The following ALG5 variants were observed in gnomAD, a reference collection of about 807,000 sequenced individuals.
ALG5 encodes the protein ALG5 dolichyl-phosphate beta-glucosyltransferase.
ALG5 carries 26 observed loss-of-function variants against 51.8 expected under a neutral mutation model. That is an observed-to-expected ratio of 0.50 (90% CI 0.37 to 0.70). The LOEUF is 0.70. Among genes scored for constraint, ALG5 ranks in the 30% least tolerant of loss-of-function variants. The probability of loss-of-function intolerance (pLI) is 0.00; values close to 1 mark genes in which losing one functional copy is unlikely to be tolerated. For synonymous variants in ALG5, 141 were observed against 136.1 expected, an observed-to-expected ratio of 1.04 and a Z score of -0.25; for missense variants, 311 against 399.3, an observed-to-expected ratio of 0.78 and a Z score of 1.88.
chr13:36,985,753 A>G lies in ALG5; in HGVS notation c.448-13T>C. On this transcript the variant is annotated splice_polypyrimidine_tract_variant and intron_variant, in intron 5 of 9. Coordinates refer to ENST00000239891, the MANE Select transcript of ALG5 (RefSeq NM_013338.5). ...AACTGAATATACCCTGTATTTTAAA[A>G]TTTCAAGTCAAAGAAAATTGGTTAA... is the stretch of plus-strand genomic sequence containing the variant. The G allele has an allele frequency of 6.3e-7, 1 of 1,575,740 alleles. No homozygotes were observed. Among genetic ancestry groups the G allele is most frequent in the Non-Finnish European group, 8.7e-7 (1 of 1,153,824 alleles).
chr13:36,995,961 G>C (rs1159433069), intron 1 of ALG5, among the ~76,000 whole-genome samples: 3 of 152,210 alleles, frequency 2.0e-5, no homozygotes, highest in East Asian at 1.9e-4. Flanking sequence ...TACATGCATA[G>C]AGACACACAC....
chr13:36,995,172 A>C, intron 2 of ALG5, 137 bp from the exon 3 acceptor site: 1 of 824,638 alleles, frequency 1.2e-6, no homozygotes, highest in Non-Finnish European at 1.9e-6. Context: ...TTCCCATCTG[A>C]AATCCTGCCT....
In ALG5 at chr13:36,949,901, GAC is replaced by G. The variant is rs770954445; in HGVS notation, c.*39_*40del. On this transcript the variant is annotated 3_prime_UTR_variant, in exon 10 of 10. Transcript: ENST00000239891. Reference sequence around the variant, plus strand: ...TTTAGTTTCAAATGAAATGAAATGTGACACTGAAGCATAAGAACACAACTGAA... The same window carrying G: ...TTTAGTTTCAAATGAAATGAAATGTGACTGAAGCATAAGAACACAACTGAA... The G allele has an allele frequency of 1.8e-5, 22 of 1,227,430 alleles. No individual in the cohort carries two copies. Among genetic ancestry groups the G allele is most frequent in the Non-Finnish European group, 2.5e-5 (22 of 874,060 alleles). 76.0% of individuals were successfully genotyped at this position (1,227,430 alleles called of 1,614,324 possible). A position where few individuals can be genotyped will look rare whatever the true frequency, so the allele number is the denominator to read the frequency against.
chr13:36,999,233 A>T lies in ALG5; in HGVS notation c.66+2T>A. On this transcript the variant is annotated splice_donor_variant, in intron 1 of 9. Coordinates refer to ENST00000239891, the MANE Select transcript of ALG5 (RefSeq NM_013338.5). LOFTEE classifies it high-confidence loss of function. Reference sequence around the variant, plus strand: ...TGCGCGGGTTCCCATCCCTGTTCTCACCAGTACGAGGGCTGCGGCCGCCAG... The same window carrying T: ...TGCGCGGGTTCCCATCCCTGTTCTCTCCAGTACGAGGGCTGCGGCCGCCAG... The T allele has an allele frequency of 6.3e-7, 1 of 1,577,248 alleles. No individual in the cohort carries two copies. Among genetic ancestry groups the T allele is most frequent in the Non-Finnish European group, 8.6e-7 (1 of 1,164,544 alleles).
chr13:36,985,326 T>C (rs1440443297), intron 6 of ALG5, among the ~76,000 whole-genome samples: 2 of 152,084 alleles, frequency 1.3e-5, no homozygotes, highest in Non-Finnish European at 2.9e-5. Flanking sequence ...AGGCTATACT[T>C]TTAAATAAAA....
intron 1 of ALG5, among the ~76,000 whole-genome samples, chr13:36,998,436 A>C (rs1439422495): frequency 6.6e-6 from 1 of 152,160 alleles, no homozygotes. Flanking sequence ...GGCTAATCTG[A>C]ATGTCAAGGA....
At chr13:36,971,512 C>T (rs924971962) in intron 7 of ALG5, among the ~76,000 whole-genome samples, 3 of 151,472 alleles carry the variant, frequency 2.0e-5, no homozygotes, top group South Asian at 2.1e-4. Flanking sequence ...CCAGGTGTGG[C>T]GGTGTGCGCC....
intron 8 of ALG5, among the ~76,000 whole-genome samples, chr13:36,956,192 C>A (rs2058838979): frequency 6.6e-6 from 1 of 152,012 alleles, no homozygotes; most frequent in African/African-American, 2.4e-5. Context: ...GGGCAAGGGA[C>A]CTGAATAGAC....
At chr13:36,971,786 T>TA (rs113451324) in intron 7 of ALG5, among the ~76,000 whole-genome samples, 191 bp downstream of exon 7, 34 of 151,462 alleles carry the variant, frequency 2.2e-4, no homozygotes, top group African/African-American at 6.8e-4. Context: ...TGTATATGCT[T>TA]AAAAAAAAAT....
intron 4 of ALG5, among the ~76,000 whole-genome samples, chr13:36,991,557 T>A (rs112936594): frequency 5.9e-5 from 9 of 152,154 alleles, no homozygotes; most frequent in African/African-American, 2.2e-4. Context: ...AATAATGCAG[T>A]GACAACTGTG....
intron 6 of ALG5, among the ~76,000 whole-genome samples, chr13:36,984,330 G>A (rs2058992717): frequency 6.6e-6 from 1 of 151,908 alleles, no homozygotes; most frequent in Admixed American, 6.6e-5. Context: ...CAAACTCCTG[G>A]CCTCAAGTGA....
chr13:36,950,731 G>A (rs1413484719), intron 9 of ALG5, among the ~76,000 whole-genome samples: 1 of 151,984 alleles, frequency 6.6e-6, no homozygotes, highest in Admixed American at 6.6e-5. Context: ...AGTACAGGAG[G>A]CACGCACCAC....
rs376374878 is a variant in ALG5 at position 36,952,539 on chromosome 13, A to T, written c.834T>A (p.Ile278=). Residue 278 remains isoleucine (I), a synonymous_variant, in exon 9 of 10, where the codon ATT becomes ATA. Coordinates refer to ENST00000239891, the MANE Select transcript of ALG5 (RefSeq NM_013338.5). ...AQFFKIPIAE[I]AVNWTEIEGS... The stretch of plus-strand genomic sequence containing the variant: ...CTTCAATTTCTGTCCAGTTGACAGC[A>T]ATTTCTGCTATTGGAATTTTAAAGA... 1,234 of 1,599,932 alleles carry T rather than the reference A, an allele frequency of 7.7e-4. 26 individuals carry two copies. In the South Asian group the frequency reaches 0.012, roughly 16 times the overall value.
intron 8 of ALG5, among the ~76,000 whole-genome samples, chr13:36,960,166 T>C (rs2058859318): frequency 1.3e-5 from 2 of 152,162 alleles, no homozygotes; most frequent in South Asian, 4.1e-4. Context: ...CTATCAATAC[T>C]GACAAAAAAT....
At chr13:36,971,237 T>G (rs936524004) in intron 7 of ALG5, among the ~76,000 whole-genome samples, 6 of 152,192 alleles carry the variant, frequency 3.9e-5, no homozygotes, top group Non-Finnish European at 8.8e-5. Flanking sequence ...ATAGTGATAG[T>G]GTTTTTCTAA....
intron 5 of ALG5, among the ~76,000 whole-genome samples, chr13:36,989,203 C>T (rs1026863616): frequency 6.6e-6 from 1 of 152,186 alleles, no homozygotes; most frequent in Non-Finnish European, 1.5e-5. Context: ...CAAAAAACCA[C>T]ATAAGCTATC....
At chr13:36,969,754 T>C (rs1255973051) in intron 7 of ALG5, among the ~76,000 whole-genome samples, 1 of 151,972 alleles carries the variant, frequency 6.6e-6, no homozygotes, top group East Asian at 1.9e-4. Flanking sequence ...AGGCTGGTCT[T>C]GAACTCCTGA....
Position 36,965,564 on chromosome 13 carries a change from C to A in ALG5, c.773+11G>T, listed in dbSNP as rs144474873. On this transcript the variant is annotated intron_variant, in intron 8 of 9. Coordinates refer to ENST00000239891, the MANE Select transcript of ALG5 (RefSeq NM_013338.5). Reference sequence around the variant, plus strand: ...TAAGACAGACTGGATACATTCCAGTCAGAAACCTACCATCGTTCAACGTGT... The same window carrying A: ...TAAGACAGACTGGATACATTCCAGTAAGAAACCTACCATCGTTCAACGTGT... 1.8e-4 allele frequency: 294 copies of A among 1,611,442 alleles called. No individual in the cohort carries two copies. The African/African-American group carries it at 2.8e-3, about 16-fold the overall frequency.
intron 4 of ALG5, among the ~76,000 whole-genome samples, chr13:36,992,068 T>A (rs562995578): frequency 2.3e-3 from 345 of 152,352 alleles, no homozygotes; most frequent in African/African-American, 7.9e-3. Context: ...CCTGTTTAAA[T>A]GCTAAGCCAA....
Sources: gnomAD v4.1 joint callset for allele counts (sites outside exome capture counted in the v4.1 genomes callset) on GRCh38, gnomAD v4.1.1 for gene constraint, MANE v1.5 for transcripts, NCBI Gene and HGNC (gene_info 2026-07-23, HGNC 2026-07-21) for gene names.